The following ENOX1 variants were observed in gnomAD, a reference collection of about 807,000 sequenced individuals.
ENOX1 encodes ecto-NOX disulfide-thiol exchanger 1, also known as candidate growth-related and time keeping constitutive hydroquinone (NADH) oxidase.
Under a neutral mutation model 82.5 loss-of-function variants are expected in ENOX1, and 42 were observed. That is an observed-to-expected ratio of 0.51 (90% CI 0.40 to 0.66). The LOEUF is 0.66. Ranked by LOEUF, ENOX1 falls within the 30% of genes least tolerant of loss-of-function variation. The pLI, the probability that ENOX1 is intolerant of heterozygous loss-of-function variation, is 0.00. For missense variants in ENOX1, 608 were observed against 811.6 expected (o/e 0.75, Z 3.05); for synonymous variants, 271 against 282.2 (o/e 0.96, Z 0.40).
chr13:43,739,989 TTTC>T (rs762781554), intron 1 of ENOX1, among the ~76,000 whole-genome samples: 2 of 152,214 alleles, frequency 1.3e-5, no homozygotes, highest in Non-Finnish European at 2.9e-5. Flanking sequence ...TTAGTAACGT[TTTC>T]TTTTCTCAAG....
At chr13:43,322,545 T>C in intron 10 of ENOX1, 44 bp from the exon 11 acceptor site, 1 of 1,521,032 alleles carries the variant, frequency 6.6e-7, no homozygotes, top group African/African-American at 1.4e-5. Context: ...CAGACACATA[T>C]GGCTTTCCCC....
chr13:43,649,397 G>T (rs1307912323), intron 2 of ENOX1, among the ~76,000 whole-genome samples: 1 of 152,118 alleles, frequency 6.6e-6, no homozygotes, highest in East Asian at 1.9e-4. Flanking sequence ...TGTGAGAAGG[G>T]GCTAAGCTGA....
intron 5 of ENOX1, among the ~76,000 whole-genome samples, chr13:43,366,926 T>C (rs951020689): frequency 2.0e-5 from 3 of 152,234 alleles, no homozygotes; most frequent in African/African-American, 7.2e-5. Flanking sequence ...AGCAATTACA[T>C]ACAGCATTAA....
At position 43,397,058 on chromosome 13, in the gene ENOX1, C is replaced by T. The variant is rs79153829; in HGVS notation, c.208+14858G>A. ...CTTTCATGCCCTTCCCAGTCTTCTC[C>T]GGTGGGTGAGGCCTGCGGCACACTG... On this transcript the variant is annotated intron_variant, in intron 5 of 16. Transcript: ENST00000690772. Among the ~76,000 whole-genome samples the T allele has an allele frequency of 4.1e-3, 624 of 152,284 alleles. 17 individuals are homozygous for T. Among genetic ancestry groups the T allele is most frequent in the Admixed American group, 0.036 (557 of 15,294 alleles).
At chr13:43,699,474 T>G (rs995958730) in intron 1 of ENOX1, among the ~76,000 whole-genome samples, 1 of 152,208 alleles carries the variant, frequency 6.6e-6, no homozygotes, top group Non-Finnish European at 1.5e-5. Flanking sequence ...TTTCTCAGGC[T>G]TTTTGAATGA....
At chr13:43,373,353 C>T (rs1384384755) in intron 5 of ENOX1, among the ~76,000 whole-genome samples, 1 of 152,108 alleles carries the variant, frequency 6.6e-6, no homozygotes, top group Non-Finnish European at 1.5e-5. Context: ...TTTCTTCTCC[C>T]CCAGGACCTA....
chr13:43,236,830 A>AG, intron 14 of ENOX1, 92 bp from the exon 15 acceptor site: 1 of 584,978 alleles, frequency 1.7e-6, no homozygotes, highest in Non-Finnish European at 2.8e-6. Flanking sequence ...CTCTATAAAT[A>AG]AGGTCATCAC....
intron 14 of ENOX1, among the ~76,000 whole-genome samples, chr13:43,251,955 G>A (rs567164895): frequency 7.0e-4 from 106 of 152,304 alleles, no homozygotes; most frequent in Non-Finnish European, 1.2e-3. Context: ...GTGATTGTGC[G>A]TGTGTGTAGT....
intron 1 of ENOX1, among the ~76,000 whole-genome samples, chr13:43,703,512 T>C (rs2087040753): frequency 6.6e-6 from 1 of 152,202 alleles, no homozygotes; most frequent in Admixed American, 6.5e-5. Flanking sequence ...TCTGGGAATG[T>C]TATACGCTTA....
intron 16 of ENOX1, among the ~76,000 whole-genome samples, chr13:43,223,670 G>A (rs1038638093): frequency 1.3e-5 from 2 of 152,116 alleles, no homozygotes; most frequent in African/African-American, 4.8e-5. Flanking sequence ...TTCCTCAATT[G>A]TGTGAAGTCC....
chr13:43,329,453 A>G (rs1305093297), intron 9 of ENOX1, among the ~76,000 whole-genome samples: 1 of 152,142 alleles, frequency 6.6e-6, no homozygotes, highest in Non-Finnish European at 1.5e-5. Flanking sequence ...TATGAGAACA[A>G]GCATCGGTGG....
chr13:43,585,508 G>T (rs1455455726), intron 2 of ENOX1, among the ~76,000 whole-genome samples: 1 of 152,214 alleles, frequency 6.6e-6, no homozygotes, highest in Non-Finnish European at 1.5e-5. Flanking sequence ...ATCGCTCACA[G>T]TTAACCACCC....
intron 1 of ENOX1, among the ~76,000 whole-genome samples, chr13:43,686,602 G>T (rs1427271602): frequency 1.3e-5 from 2 of 152,182 alleles, no homozygotes; most frequent in Non-Finnish European, 2.9e-5. Flanking sequence ...TGAGTCTTTG[G>T]TTAAAGATTC....
intron 1 of ENOX1, among the ~76,000 whole-genome samples, chr13:43,745,670 G>A (rs1949983705): frequency 6.6e-6 from 1 of 152,150 alleles, no homozygotes; most frequent in South Asian, 2.1e-4. Context: ...CACTGATATG[G>A]TTTGGCTGTG....
Position 43,224,065 on chromosome 13 carries a change from C to G in ENOX1, c.1788G>C (p.Gln596His), listed in dbSNP as rs781487672. 1.2e-6 allele frequency: 2 copies of G among 1,613,754 alleles called. No individual in the cohort carries two copies. Among genetic ancestry groups the G allele is most frequent in the South Asian group, 2.2e-5 (2 of 91,040 alleles). ...CAAAATAATTTACCTTGGAGTCCAGCTGCTGCATGTATGACCAAAGATATT... is the reference window on the plus strand; with the variant it reads ...CAAAATAATTTACCTTGGAGTCCAGGTGCTGCATGTATGACCAAAGATATT... ...NIEYLWSYMQ[Q>H]LDSKISANEI... The change falls in exon 16 of 17, where the codon CAG becomes CAC. Residue 596 changes from glutamine (Q) to histidine (H), a missense_variant. Physicochemically the swap from Gln to His is conservative, Grantham distance 24. Transcript: ENST00000690772.
intron 2 of ENOX1, among the ~76,000 whole-genome samples, chr13:43,486,947 C>G (rs187865153): frequency 1.3e-5 from 2 of 152,276 alleles, no homozygotes; most frequent in Admixed American, 1.3e-4. Context: ...CCAAGGCAGG[C>G]AGATCACCTG....
intron 3 of ENOX1, among the ~76,000 whole-genome samples, chr13:43,436,125 T>C (rs60940859): frequency 0.011 from 1,744 of 152,326 alleles, 41 homozygotes; most frequent in African/African-American, 0.04. Flanking sequence ...ATGTATATAA[T>C]GACAATAGTA....
chr13:43,715,734 T>C (rs980418950), intron 1 of ENOX1, among the ~76,000 whole-genome samples: 1 of 152,222 alleles, frequency 6.6e-6, no homozygotes, highest in Non-Finnish European at 1.5e-5. Context: ...CCATCACTGA[T>C]ACCCTTTCTT....
intron 15 of ENOX1, among the ~76,000 whole-genome samples, chr13:43,233,978 A>G (rs1420732412): frequency 6.6e-6 from 1 of 152,196 alleles, no homozygotes; most frequent in Non-Finnish European, 1.5e-5. Flanking sequence ...CATTCAGTGC[A>G]TGAGAATTCT....
Sources: gnomAD v4.1 joint callset for allele counts (sites outside exome capture counted in the v4.1 genomes callset) on GRCh38, gnomAD v4.1.1 for gene constraint, MANE v1.5 for transcripts, NCBI Gene and HGNC (gene_info 2026-07-23, HGNC 2026-07-21) for gene names.